DRC11: variants seen among roughly 807,000 people sequenced by gnomAD.
DRC11 encodes the protein IQ and AAA domain-containing protein 1.
At chr2:236,455,885 T>C in the DRC11 span, among the ~76,000 whole-genome samples, 1 of 151,760 alleles carries the variant, frequency 6.6e-6, no homozygotes, top group East Asian at 1.9e-4. This position sits in a 1 kb window ranked among gnomAD's most constrained non-coding sequence, Gnocchi z 5.7. Flanking sequence ...TGCGTGCTGT[T>C]TTTTTTTAAT....
chr2:236,311,629 T>C, the DRC11 span, among the ~76,000 whole-genome samples: 2 of 151,578 alleles, frequency 1.3e-5, no homozygotes, highest in Non-Finnish European at 1.5e-5. The surrounding 1 kb of genome is among the most constrained non-coding windows in gnomAD (Gnocchi z 6.9). Context: ...AGAGCAGAGA[T>C]AGTGCAGAGC....
chr2:236,380,766 C>G, the DRC11 span: 1 of 692,858 alleles, frequency 1.4e-6, no homozygotes, highest in Admixed American at 2.2e-5. This position sits in a 1 kb window ranked among gnomAD's most constrained non-coding sequence, Gnocchi z 4.9. Context: ...GGCGTGAACA[C>G]AGAGCTGCCG....
chr2:236,360,416 C>T, the DRC11 span, among the ~76,000 whole-genome samples: 614 of 152,308 alleles, frequency 4.0e-3, 2 homozygotes, highest in Non-Finnish European at 6.5e-3. The surrounding 1 kb of genome is among the most constrained non-coding windows in gnomAD (Gnocchi z 5.8). Context: ...TATATAGATG[C>T]TTACGAAACA....
chr2:236,374,410 C>A, the DRC11 span, among the ~76,000 whole-genome samples: 1 of 152,162 alleles, frequency 6.6e-6, no homozygotes, highest in African/African-American at 2.4e-5. Flanking sequence ...TAGATTGAGT[C>A]ATTTTCACTT....
the DRC11 span, among the ~76,000 whole-genome samples, chr2:236,338,996 G>A: frequency 2.0e-5 from 3 of 152,190 alleles, no homozygotes; most frequent in Non-Finnish European, 4.4e-5. Context: ...ATCTGACCAT[G>A]TTGCCATGGG....
At chr2:236,420,576 A>C in the DRC11 span, among the ~76,000 whole-genome samples, 1 of 152,134 alleles carries the variant, frequency 6.6e-6, no homozygotes, top group African/African-American at 2.4e-5. This position sits in a 1 kb window ranked among gnomAD's most constrained non-coding sequence, Gnocchi z 4.8. Context: ...ATGTGTTGTG[A>C]ACATATTTGG....
the DRC11 span, among the ~76,000 whole-genome samples, chr2:236,317,048 C>T: frequency 6.6e-6 from 1 of 152,304 alleles, no homozygotes; most frequent in Middle Eastern, 3.4e-3. The surrounding 1 kb of genome is among the most constrained non-coding windows in gnomAD (Gnocchi z 5.4). Flanking sequence ...GTAATCCCAG[C>T]ACTTTGGGAG....
chr2:236,410,089 GC>G, the DRC11 span, among the ~76,000 whole-genome samples: 1 of 151,520 alleles, frequency 6.6e-6, no homozygotes, highest in African/African-American at 2.4e-5. Flanking sequence ...TTGTGTCTCT[GC>G]CCGGCTTTGG....
the DRC11 span, among the ~76,000 whole-genome samples, chr2:236,434,901 A>G: frequency 6.6e-6 from 1 of 152,176 alleles, no homozygotes; most frequent in Non-Finnish European, 1.5e-5. This position sits in a 1 kb window ranked among gnomAD's most constrained non-coding sequence, Gnocchi z 5.5. Flanking sequence ...TAAACACATA[A>G]AAAAAGTGAA....
At chr2:236,399,530 G>A in the DRC11 span, 21 of 1,528,214 alleles carry the variant, frequency 1.4e-5, no homozygotes, top group East Asian at 2.9e-4. This position sits in a 1 kb window ranked among gnomAD's most constrained non-coding sequence, Gnocchi z 7.0. Context: ...AGGCAAGACC[G>A]GGCAGCAAAA....
chr2:236,481,302 G>A, the DRC11 span, among the ~76,000 whole-genome samples: 1 of 152,202 alleles, frequency 6.6e-6, no homozygotes, highest in Non-Finnish European at 1.5e-5. Context: ...CCAAGATGGG[G>A]AAGCTGGTTA....
At chr2:236,443,914 T>C in the DRC11 span, among the ~76,000 whole-genome samples, 2 of 152,218 alleles carry the variant, frequency 1.3e-5, no homozygotes, top group African/African-American at 4.8e-5. This position sits in a 1 kb window ranked among gnomAD's most constrained non-coding sequence, Gnocchi z 4.4. Context: ...CTCGTGATTT[T>C]GATTTGCATT....
At chr2:236,411,369 T>C in the DRC11 span, among the ~76,000 whole-genome samples, 1 of 150,178 alleles carries the variant, frequency 6.7e-6, no homozygotes, top group Non-Finnish European at 1.5e-5. Flanking sequence ...CCAGTTAGAA[T>C]GGCAATCATT....
At chr2:236,438,056 T>C in the DRC11 span, among the ~76,000 whole-genome samples, 9 of 140,682 alleles carry the variant, frequency 6.4e-5, no homozygotes, top group South Asian at 2.0e-3. Flanking sequence ...GGTTTTCTTC[T>C]AGGGTTTTTA....
chr2:236,404,161 TA>T, the DRC11 span, among the ~76,000 whole-genome samples: 24,725 of 91,406 alleles, frequency 0.27, 2,009 homozygotes, highest in Middle Eastern at 0.4. Flanking sequence ...AATGGAGAGT[TA>T]AAAAAAAAAA....
chr2:236,397,034 C>A, the DRC11 span, among the ~76,000 whole-genome samples: 1 of 152,200 alleles, frequency 6.6e-6, no homozygotes, highest in Non-Finnish European at 1.5e-5. The surrounding 1 kb of genome is among the most constrained non-coding windows in gnomAD (Gnocchi z 5.0). Flanking sequence ...CCCAAAGGGA[C>A]AAGCATTCTG....
chr2:236,413,137 G>C, the DRC11 span, among the ~76,000 whole-genome samples: 1 of 152,200 alleles, frequency 6.6e-6, no homozygotes, highest in Non-Finnish European at 1.5e-5. This position sits in a 1 kb window ranked among gnomAD's most constrained non-coding sequence, Gnocchi z 4.0. Context: ...TTGGCCCTTT[G>C]CCTGTGTAAC....
the DRC11 span, among the ~76,000 whole-genome samples, chr2:236,327,942 G>C: frequency 1.3e-5 from 2 of 152,176 alleles, no homozygotes; most frequent in Admixed American, 6.5e-5. Flanking sequence ...TTGATTCACT[G>C]AGTTTTTAAT....
chr2:236,339,706 G>A, the DRC11 span, among the ~76,000 whole-genome samples: 9 of 152,276 alleles, frequency 5.9e-5, no homozygotes, highest in East Asian at 3.9e-4. Flanking sequence ...TTGTCAAAAC[G>A]AACTGTAATG....
Sources: allele counts gnomAD v4.1 joint callset (sites outside exome capture counted in the v4.1 genomes callset), GRCh38; gene constraint gnomAD v4.1.1; non-coding constraint Gnocchi (gnomAD v3.1); transcripts MANE v1.5; gene names NCBI Gene and HGNC (gene_info 2026-07-23, HGNC 2026-07-21).